The following GULP1 variants were observed in gnomAD, a reference collection of about 807,000 sequenced individuals.
GULP1 encodes GULP PTB domain containing engulfment adaptor 1, also known as PTB domain-containing engulfment adapter protein 1.
Under a neutral mutation model 40.9 loss-of-function variants are expected in GULP1, and 19 were observed. The observed-to-expected ratio is 0.46, with a 90% CI of 0.32 to 0.68. The LOEUF is 0.68. GULP1 is among the 30% of genes least tolerant of loss of function. The pLI, the probability that GULP1 is intolerant of heterozygous loss-of-function variation, is 0.03. For synonymous variants in GULP1, 119 were observed against 117.6 expected (o/e 1.01, Z -0.08); for missense variants, 312 against 362.2 (o/e 0.86, Z 1.12).
At chr2:188,544,102 C>T (rs1691262526) in intron 7 of GULP1, among the ~76,000 whole-genome samples, 1 of 152,044 alleles carries the variant, frequency 6.6e-6, no homozygotes, top group African/African-American at 2.4e-5. Context: ...CAGTGCATTT[C>T]CACCCTCACT....
chr2:188,357,635 A>G (rs2045521410), intron 1 of GULP1, among the ~76,000 whole-genome samples: 1 of 152,198 alleles, frequency 6.6e-6, no homozygotes, highest in Admixed American at 6.6e-5. Context: ...AGGAAACAGT[A>G]TAGAGGTTCC....
chr2:188,504,995 A>ATT (rs2063771117), intron 4 of GULP1, among the ~76,000 whole-genome samples: 1 of 149,140 alleles, frequency 6.7e-6, no homozygotes, highest in Admixed American at 6.7e-5. Flanking sequence ...ATCTTTCTGT[A>ATT]TTTTATGAGT....
At chr2:188,352,120 A>G (rs1022527462) in intron 1 of GULP1, among the ~76,000 whole-genome samples, 3 of 152,148 alleles carry the variant, frequency 2.0e-5, no homozygotes, top group Admixed American at 6.5e-5. Context: ...GGCTAATTTT[A>G]TGTGTCAGCT....
intron 7 of GULP1, among the ~76,000 whole-genome samples, chr2:188,558,069 A>T (rs1228453058): frequency 1.3e-5 from 2 of 152,106 alleles, no homozygotes; most frequent in East Asian, 3.9e-4. Context: ...CTTGGCTGTT[A>T]GTGCTTGGCT....
chr2:188,331,085 G>A lies in GULP1; in HGVS notation c.-172+38919G>A, dbSNP rs116189668. On this transcript the variant is annotated intron_variant, in intron 1 of 11. Transcript: ENST00000409830. Reference sequence around the variant, plus strand: ...AAGCACTCCCTACAAAACATATCCCGCTAATTTCACAACCATCTTCCCAGG... The same window carrying A: ...AAGCACTCCCTACAAAACATATCCCACTAATTTCACAACCATCTTCCCAGG... 5.8e-3 allele frequency among the ~76,000 whole-genome samples: 888 copies of A among 152,234 alleles called. 6 individuals carry two copies. The highest frequency in any genetic ancestry group is 0.024 in the Middle Eastern group (7 of 294).
chr2:188,447,275 A>AGACTG (rs2152899524), intron 2 of GULP1, among the ~76,000 whole-genome samples: 1 of 152,246 alleles, frequency 6.6e-6, no homozygotes, highest in East Asian at 1.9e-4. Flanking sequence ...ATTAGACTTA[A>AGACTG]AGAGTCATTT....
intron 2 of GULP1, among the ~76,000 whole-genome samples, chr2:188,396,123 G>A (rs531847916): frequency 6.6e-6 from 1 of 152,344 alleles, no homozygotes; most frequent in South Asian, 2.1e-4. Context: ...GGTGGCGCTT[G>A]CAGAAGAGTG....
At chr2:188,478,345 G>A (rs975263930) in intron 3 of GULP1, among the ~76,000 whole-genome samples, 2 of 152,046 alleles carry the variant, frequency 1.3e-5, no homozygotes, top group African/African-American at 4.8e-5. Flanking sequence ...ATTTTATGAT[G>A]CACTTATAAA....
chr2:188,308,620 C>T (rs4294965), intron 1 of GULP1, among the ~76,000 whole-genome samples: 90,990 of 151,852 alleles, frequency 0.6, 27,817 homozygotes, highest in East Asian at 0.9. Flanking sequence ...GTGTATAGTC[C>T]GTAAGATGTT....
chr2:188,363,146 C>T (rs2046317018), intron 1 of GULP1, among the ~76,000 whole-genome samples: 1 of 151,944 alleles, frequency 6.6e-6, no homozygotes, highest in South Asian at 2.1e-4. Context: ...TTATAGAAAA[C>T]ACTTGTATTT....
At chr2:188,427,149 G>A (rs2056303617) in intron 2 of GULP1, among the ~76,000 whole-genome samples, 2 of 152,132 alleles carry the variant, frequency 1.3e-5, no homozygotes, top group Admixed American at 1.3e-4. Flanking sequence ...ATGTAACCTG[G>A]CTACCTCTAC....
intron 4 of GULP1, among the ~76,000 whole-genome samples, chr2:188,501,954 T>C (rs557916048): frequency 1.4e-4 from 22 of 152,108 alleles, no homozygotes; most frequent in African/African-American, 3.9e-4. Flanking sequence ...ACACTTTTTG[T>C]GTTTTTACCT....
chr2:188,460,815 G>T lies in GULP1; in HGVS notation c.-44-16844G>T, dbSNP rs1575406381. Among the ~76,000 whole-genome samples the T allele has an allele frequency of 2.6e-5, 4 of 152,074 alleles. No individual in the cohort carries two copies. The East Asian group carries it at 7.7e-4, about 29-fold the overall frequency. ...CATATATGGTTTTAATTATGTTGAGGTATGTTCTTTCTATACCCAGTTTTT... is the reference window on the plus strand; with the variant it reads ...CATATATGGTTTTAATTATGTTGAGTTATGTTCTTTCTATACCCAGTTTTT... On this transcript the variant is annotated intron_variant, in intron 2 of 11. Transcript: ENST00000409830.
intron 2 of GULP1, among the ~76,000 whole-genome samples, chr2:188,417,534 G>C (rs1039533866): frequency 2.0e-5 from 3 of 152,190 alleles, no homozygotes; most frequent in Non-Finnish European, 4.4e-5. Flanking sequence ...GTCTAGAAAA[G>C]TGGTTTATGT....
chr2:188,482,238 A>G (rs897895916), intron 3 of GULP1, among the ~76,000 whole-genome samples: 4 of 151,946 alleles, frequency 2.6e-5, no homozygotes, highest in African/African-American at 9.7e-5. Context: ...AATAATTTAC[A>G]TTCCAAAAAT....
At chr2:188,434,715 T>G (rs2057242765) in intron 2 of GULP1, among the ~76,000 whole-genome samples, 1 of 151,842 alleles carries the variant, frequency 6.6e-6, no homozygotes, top group African/African-American at 2.4e-5. Flanking sequence ...ATTTCCTGAG[T>G]TCTATCACCC....
chr2:188,464,023 T>C, intron 2 of GULP1, among the ~76,000 whole-genome samples: 1 of 152,184 alleles, frequency 6.6e-6, no homozygotes, highest in East Asian at 1.9e-4. Flanking sequence ...TGATGTCTTA[T>C]TTAGTTCATT....
chr2:188,589,238 A>C (rs902098539), intron 11 of GULP1: 1 of 152,198 alleles, frequency 6.6e-6, no homozygotes, highest in Non-Finnish European at 1.5e-5. Flanking sequence ...TTAAAGCTAA[A>C]ACCACCTTAT....
intron 2 of GULP1, among the ~76,000 whole-genome samples, chr2:188,387,881 T>C (rs1028486584): frequency 3.2e-4 from 49 of 152,094 alleles, no homozygotes; most frequent in Non-Finnish European, 6.9e-4. Flanking sequence ...TTTTTTAAAT[T>C]TTTTTGTTAT....
Sources: allele counts gnomAD v4.1 joint callset (sites outside exome capture counted in the v4.1 genomes callset), GRCh38; gene constraint gnomAD v4.1.1; transcripts MANE v1.5; gene names NCBI Gene and HGNC (gene_info 2026-07-23, HGNC 2026-07-21).